The following SIRT5 variants were observed in gnomAD, a reference collection of about 807,000 sequenced individuals.
SIRT5 encodes sirtuin 5, also known as NAD-dependent protein deacylase sirtuin-5, mitochondrial.
Under a neutral mutation model 40.0 loss-of-function variants are expected in SIRT5, and 26 were observed. The ratio of observed to expected loss-of-function variants is 0.65; its 90% CI spans 0.48 to 0.90. The LOEUF is 0.90. Among genes scored for constraint, SIRT5 ranks in the 40% least tolerant of loss-of-function variants. The probability of loss-of-function intolerance (pLI) is 0.00; values close to 1 mark genes in which losing one functional copy is unlikely to be tolerated. For missense variants in SIRT5, 401 were observed against 402.4 expected, an observed-to-expected ratio of 1.00 and a Z score of 0.03; for synonymous variants, 146 against 149.1, an observed-to-expected ratio of 0.98 and a Z score of 0.15.
chr6:13,595,810 AAAAAAAC>A (rs1261088012), intron 6 of SIRT5, among the ~76,000 whole-genome samples: 3 of 152,044 alleles, frequency 2.0e-5, no homozygotes, highest in Admixed American at 2.0e-4. Context: ...CCTGTCCTAC[AAAAAAAC>A]AAAACAAAAC....
rs543344880 is a variant in SIRT5 at position 13,607,899 on chromosome 6, G to A, written c.858-3891G>A. On this transcript the variant is annotated intron_variant, in intron 9 of 9. Coordinates refer to ENST00000606117, the MANE Select transcript of SIRT5 (RefSeq NM_012241.5). This position sits in a 1 kb window ranked among gnomAD's most constrained non-coding sequence, Gnocchi z 4.0. Reference sequence around the variant, plus strand: ...CTCCCAAGCAGCTAGGACTACAGGCGTGCGCCACCACACCCAGCTAATTTT... The same window carrying A: ...CTCCCAAGCAGCTAGGACTACAGGCATGCGCCACCACACCCAGCTAATTTT... Among the ~76,000 whole-genome samples the A allele has an allele frequency of 1.4e-4, 21 of 152,046 alleles. No individual in the cohort carries two copies. The highest frequency in any genetic ancestry group is 3.9e-4 in the East Asian group (2 of 5,170).
rs2841522 is a variant in SIRT5 at position 13,613,079 on chromosome 6, C to T, written c.*1214C>T. On this transcript the variant is annotated 3_prime_UTR_variant, in exon 10 of 10. Transcript: ENST00000606117. Reference sequence around the variant, plus strand: ...GGAAACATAGGGTTTATTTGGGGAACCTTACAGGGTGGTCCAGTGGCCGCG... The same window carrying T: ...GGAAACATAGGGTTTATTTGGGGAATCTTACAGGGTGGTCCAGTGGCCGCG... 0.5 allele frequency: 76,154 copies of T among 152,112 alleles called. 20,073 individuals carry two copies. Among genetic ancestry groups the T allele is most frequent in the Admixed American group, 0.6 (9,239 of 15,272 alleles). The allele number at this position is 152,112 out of a possible 1,614,324, so 9.4% of individuals were successfully genotyped here.
intron 9 of SIRT5, 52 bp from the exon 10 acceptor site, chr6:13,611,738 C>A: frequency 7.6e-7 from 1 of 1,313,952 alleles, no homozygotes; most frequent in Non-Finnish European, 1.1e-6. Flanking sequence ...GTAGGGCATT[C>A]ATTTTGCTAA....
At position 13,588,445 on chromosome 6, in the gene SIRT5, G is replaced by C; in HGVS notation, c.230G>C (p.Trp77Ser). The part of the protein sequence containing the change: ...VPTFRGAGGY[W>S]RKWQAQDLAT... ...ACCTTCAGAGGAGCTGGAGGTTATT[G>C]GAGAAAATGGCAAGCCCAGGTTTGT... Residue 77 changes from tryptophan to serine, a missense_variant, in exon 4 of 10, where the codon TGG becomes TCG. Trp to Ser is a radical substitution (Grantham distance 177). Coordinates refer to ENST00000606117, the MANE Select transcript of SIRT5 (RefSeq NM_012241.5). 1.9e-6 allele frequency: 3 copies of C among 1,614,118 alleles called. No individual in the cohort carries two copies. The South Asian group carries it at 3.3e-5, about 18-fold the overall frequency.
rs2804911 is a variant in SIRT5, at chr6:13,579,596, A to C, written c.-49A>C. On this transcript the variant is annotated 5_prime_UTR_variant, in exon 2 of 10. Transcript: ENST00000606117. ...TGGAGACAACCATCTTCATTTTGGG[A>C]GAAATAACTAAAGGTATGTATTAAG... The C allele has an allele frequency of 0.31, 47,477 of 152,108 alleles. 7,525 individuals are homozygous for C. Among genetic ancestry groups the C allele is most frequent in the Admixed American group, 0.33 (5,112 of 15,292 alleles). The allele number at this position is 152,108 out of a possible 1,614,324, so 9.4% of individuals were successfully genotyped here.
intron 3 of SIRT5, among the ~76,000 whole-genome samples, chr6:13,585,481 GA>G (rs1047762872): frequency 5.3e-5 from 8 of 151,834 alleles, no homozygotes; most frequent in Non-Finnish European, 1.2e-4. Context: ...TTATGAGTGA[GA>G]ACGTGTGGTG....
In SIRT5 at chr6:13,612,947, A is replaced by G. The variant is rs762177262; in HGVS notation, c.*1082A>G. 1 of 152,020 alleles carries G rather than the reference A, an allele frequency of 6.6e-6. No individual in the cohort carries two copies. Among genetic ancestry groups the G allele is most frequent in the African/African-American group, 2.4e-5 (1 of 41,386 alleles). The allele number at this position is 152,020 out of a possible 1,614,324, so 9.4% of individuals were successfully genotyped here. On this transcript the variant is annotated 3_prime_UTR_variant, in exon 10 of 10. Coordinates refer to ENST00000606117, the MANE Select transcript of SIRT5 (RefSeq NM_012241.5). ...CTGAACTCTGCTGGGAGTTTTTTCC[A>G]TGGGACTTTAAAAAATGATGCCCTT...
intron 9 of SIRT5, among the ~76,000 whole-genome samples, chr6:13,602,654 A>G (rs1329439292): frequency 6.6e-6 from 1 of 152,234 alleles, no homozygotes; most frequent in Non-Finnish European, 1.5e-5. Flanking sequence ...TTCATGGTCA[A>G]CTGATTTTTG....
chr6:13,600,880 A>C lies in SIRT5; in HGVS notation c.788A>C (p.Gln263Pro), dbSNP rs140128318. The change falls in exon 9 of 10, where the codon CAG (glutamine) becomes CCG (proline). Residue 263 changes from glutamine to proline, a missense_variant. Coordinates refer to ENST00000606117, the MANE Select transcript of SIRT5 (RefSeq NM_012241.5). ...VVYPAAMFAPQVAARGVPVAE... is the reference protein window; with the variant it reads ...VVYPAAMFAPPVAARGVPVAE... Reference sequence around the variant, plus strand: ...TACCCAGCAGCCATGTTTGCCCCCCAGGTGGCTGCCAGGGGCGTGCCAGTG... The same window carrying C: ...TACCCAGCAGCCATGTTTGCCCCCCCGGTGGCTGCCAGGGGCGTGCCAGTG... The C allele has an allele frequency of 5.3e-4, 854 of 1,614,158 alleles. 2 individuals carry two copies. Among genetic ancestry groups the C allele is most frequent in the Admixed American group, 2.1e-3 (128 of 60,018 alleles).
At chr6:13,602,403 G>A (rs2127709523) in intron 9 of SIRT5, among the ~76,000 whole-genome samples, 1 of 152,270 alleles carries the variant, frequency 6.6e-6, no homozygotes, top group Non-Finnish European at 1.5e-5. Flanking sequence ...GGGAGGCTGA[G>A]GCAGGAGAAT....
chr6:13,587,632 C>T (rs1269660944), intron 3 of SIRT5, among the ~76,000 whole-genome samples: 1 of 152,170 alleles, frequency 6.6e-6, no homozygotes, highest in African/African-American at 2.4e-5. Context: ...AGTTGCAGGA[C>T]GGGAGGGCAA....
chr6:13,591,206 A>C lies in SIRT5; in HGVS notation c.250-463A>C, dbSNP rs112880421. ...TGTGTGTGTGTATAGCCATAGCTAT[A>C]GTTACAAAAACTGAGTTTCTCACCC... On this transcript the variant is annotated intron_variant, in intron 4 of 9. Coordinates refer to ENST00000606117, the MANE Select transcript of SIRT5 (RefSeq NM_012241.5). Among the ~76,000 whole-genome samples, 52 of 152,284 alleles carry C rather than the reference A, an allele frequency of 3.4e-4. 1 individual carries two copies. The highest frequency in any genetic ancestry group is 1.2e-3 in the African/African-American group (49 of 41,552).
At position 13,613,759 on chromosome 6, in the gene SIRT5, T is replaced by C. The variant is rs2127750891; in HGVS notation, c.*1894T>C. ...GCACTGGTAATACCTGTAATAGTCTTATAGTACTTATAAAGCAGTTTTGCA... is the reference window on the plus strand; with the variant it reads ...GCACTGGTAATACCTGTAATAGTCTCATAGTACTTATAAAGCAGTTTTGCA... On this transcript the variant is annotated 3_prime_UTR_variant, in exon 10 of 10. Coordinates refer to ENST00000606117, the MANE Select transcript of SIRT5 (RefSeq NM_012241.5). 1 of 152,354 alleles carries C rather than the reference T, an allele frequency of 6.6e-6. No individual in the cohort carries two copies. The highest frequency in any genetic ancestry group is 2.1e-4 in the South Asian group (1 of 4,828). The allele number at this position is 152,354 out of a possible 1,614,324, so 9.4% of individuals were successfully genotyped here.
intron 1 of SIRT5, among the ~76,000 whole-genome samples, chr6:13,576,660 T>C (rs1758676336): frequency 6.6e-6 from 1 of 152,232 alleles, no homozygotes; most frequent in South Asian, 2.1e-4. Flanking sequence ...GCTTTTTAGT[T>C]TGATGCAATC....
chr6:13,577,624 CAT>C (rs1758792248), intron 1 of SIRT5, among the ~76,000 whole-genome samples: 2 of 148,910 alleles, frequency 1.3e-5, no homozygotes, highest in South Asian at 2.1e-4. Context: ...ATAGAAATCT[CAT>C]ATATCTTATA....
At chr6:13,587,973 G>C (rs546622809) in intron 3 of SIRT5, among the ~76,000 whole-genome samples, 2 of 152,144 alleles carry the variant, frequency 1.3e-5, no homozygotes, top group Non-Finnish European at 2.9e-5. Context: ...TTCCCACTAG[G>C]CTTTTTTTAA....
chr6:13,611,473 GA>G (rs1763918022), intron 9 of SIRT5, among the ~76,000 whole-genome samples: 2 of 151,670 alleles, frequency 1.3e-5, no homozygotes, highest in South Asian at 4.2e-4. Context: ...CTCAGGATTT[GA>G]AAAAAACAAA....
chr6:13,575,152 G>C (rs1310188413), intron 1 of SIRT5, among the ~76,000 whole-genome samples: 1 of 152,170 alleles, frequency 6.6e-6, no homozygotes, highest in African/African-American at 2.4e-5. Flanking sequence ...CTGGAGCTCA[G>C]GCTTGCCCGC....
intron 5 of SIRT5, 21 bp from the exon 6 acceptor site, chr6:13,595,456 T>C (rs1233086638): frequency 6.3e-7 from 1 of 1,581,372 alleles, no homozygotes; most frequent in African/African-American, 1.3e-5. Context: ...ATTCTGGATT[T>C]GCTTCATATG....
Sources: allele counts gnomAD v4.1 joint callset (sites outside exome capture counted in the v4.1 genomes callset), GRCh38; gene constraint gnomAD v4.1.1; non-coding constraint Gnocchi (gnomAD v3.1); transcripts MANE v1.5; gene names NCBI Gene and HGNC (gene_info 2026-07-23, HGNC 2026-07-21).